CAND1: variants seen among roughly 807,000 people sequenced by gnomAD.
CAND1 encodes the protein cullin-associated NEDD8-dissociated protein 1.
Under a neutral mutation model 108.5 loss-of-function variants are expected in CAND1, and 7 were observed. The ratio of observed to expected loss-of-function variants is 0.06; its 90% confidence interval spans 0.04 to 0.12. CAND1 has a LOEUF of 0.12. Ranked by LOEUF, CAND1 falls within the 10% of genes least tolerant of loss-of-function variation. The pLI is 1.00. For synonymous variants in CAND1, 534 were observed against 512.0 expected, an observed-to-expected ratio of 1.04 and a Z score of -0.58; for missense variants, 941 against 1,448.7, an observed-to-expected ratio of 0.65 and a Z score of 5.69.
intron 11 of CAND1, among the ~76,000 whole-genome samples, chr12:67,308,331 G>T (rs1288291236): frequency 6.6e-6 from 1 of 152,054 alleles, no homozygotes; most frequent in Non-Finnish European, 1.5e-5. Flanking sequence ...GGCACAAATG[G>T]GTTCTATTGC....
intron 2 of CAND1, among the ~76,000 whole-genome samples, chr12:67,289,686 G>A (rs2044704863): frequency 1.3e-5 from 2 of 152,162 alleles, no homozygotes; most frequent in Admixed American, 1.3e-4. Flanking sequence ...CTGAAAGCTA[G>A]AACTCTTTAA....
intron 2 of CAND1, 48 bp from the exon 3 acceptor site, chr12:67,292,574 T>G: frequency 7.0e-7 from 1 of 1,437,836 alleles, no homozygotes; most frequent in South Asian, 1.3e-5. Context: ...TTTTCCTGTT[T>G]TTGTGCTTAT....
In CAND1 at chr12:67,299,052, T is replaced by C. The variant is rs937558251; in HGVS notation, c.957T>C (p.Asp319=). 6 of 1,504,978 alleles carry C rather than the reference T, an allele frequency of 4.0e-6. No homozygotes were observed. The highest frequency in any genetic ancestry group is 4.6e-6 in the Non-Finnish European group (5 of 1,086,312). 93.2% of individuals were successfully genotyped at this position (1,504,978 alleles called of 1,614,324 possible). The change falls in exon 7 of 15, where the codon GAT becomes GAC. Residue 319 remains aspartate (D), a synonymous_variant. Coordinates refer to ENST00000545606, the MANE Select transcript of CAND1 (RefSeq NM_018448.5). The stretch of plus-strand genomic sequence containing the variant: ...ATAATTACGATGATGAAGATGAAGA[T>C]GAAAATGCAATGGATGCTGATGGTG... ...PNYNYDDEDE[D]ENAMDADGGD...
intron 1 of CAND1, among the ~76,000 whole-genome samples, chr12:67,277,301 A>C (rs1208006842): frequency 6.6e-6 from 1 of 152,250 alleles, no homozygotes; most frequent in Non-Finnish European, 1.5e-5. Flanking sequence ...GTCCTGAGTC[A>C]CATTATTTTA....
At chr12:67,273,016 T>G (rs866089053) in intron 1 of CAND1, among the ~76,000 whole-genome samples, 16 of 152,092 alleles carry the variant, frequency 1.1e-4, no homozygotes, top group Admixed American at 3.9e-4. Flanking sequence ...GTTTGTTTGT[T>G]TTAAAAAAAG....
intron 4 of CAND1, 112 bp from the exon 5 acceptor site, chr12:67,297,295 A>G (rs773511417): frequency 2.5e-5 from 25 of 1,014,804 alleles, no homozygotes; most frequent in Middle Eastern, 4.1e-4. Context: ...ATTAGTCTCA[A>G]CTAAATTTGT....
chr12:67,276,402 G>A (rs888303327), intron 1 of CAND1, among the ~76,000 whole-genome samples: 2 of 152,084 alleles, frequency 1.3e-5, no homozygotes, highest in African/African-American at 2.4e-5. Context: ...GTTTTTGTCC[G>A]TAATAGTCAG....
chr12:67,280,785 T>C (rs1415086559), intron 1 of CAND1, among the ~76,000 whole-genome samples: 1 of 152,184 alleles, frequency 6.6e-6, no homozygotes, highest in Non-Finnish European at 1.5e-5. Context: ...CACCATTCAG[T>C]CCTTTTCATT....
chr12:67,271,274 A>G (rs2044518295), intron 1 of CAND1, among the ~76,000 whole-genome samples: 1 of 152,166 alleles, frequency 6.6e-6, no homozygotes, highest in Admixed American at 6.5e-5. Context: ...GTGTTGTTTT[A>G]CGGATTGGAA....
At chr12:67,285,435 G>A (rs1273535030) in intron 2 of CAND1, among the ~76,000 whole-genome samples, 1 of 152,056 alleles carries the variant, frequency 6.6e-6, no homozygotes, top group Non-Finnish European at 1.5e-5. Flanking sequence ...AGTATATTAG[G>A]GTTGAGAGTG....
intron 2 of CAND1, among the ~76,000 whole-genome samples, chr12:67,284,741 C>T (rs1215444433): frequency 4.6e-5 from 7 of 151,904 alleles, no homozygotes; most frequent in African/African-American, 1.7e-4. Flanking sequence ...TTCTTCAGCC[C>T]ATGCACACAT....
intron 10 of CAND1, among the ~76,000 whole-genome samples, chr12:67,306,859 G>C (rs550592771): frequency 1.6e-4 from 25 of 152,164 alleles, no homozygotes; most frequent in African/African-American, 5.5e-4. Context: ...ACTATATTGT[G>C]TTAAAATGTG....
intron 6 of CAND1, 60 bp from the exon 7 acceptor site, chr12:67,298,886 TGGCA>T (rs1193419474): frequency 1.1e-6 from 1 of 929,896 alleles, no homozygotes; most frequent in African/African-American, 1.7e-5. Context: ...AAGCAAAATG[TGGCA>T]GGTAATGAAT....
intron 2 of CAND1, among the ~76,000 whole-genome samples, chr12:67,284,851 T>A (rs1403590378): frequency 1.3e-5 from 1 of 79,954 alleles, no homozygotes; most frequent in Non-Finnish European, 3.2e-5. Context: ...CACCCTAAAG[T>A]CAGGGACAAG....
At chr12:67,271,993 T>C (rs531454302) in intron 1 of CAND1, among the ~76,000 whole-genome samples, 1 of 152,254 alleles carries the variant, frequency 6.6e-6, no homozygotes, top group East Asian at 1.9e-4. Context: ...ATTTTTAGTA[T>C]AGGCATTTAT....
intron 11 of CAND1, among the ~76,000 whole-genome samples, chr12:67,307,798 T>C (rs1279156577): frequency 6.6e-6 from 1 of 152,018 alleles, no homozygotes; most frequent in Non-Finnish European, 1.5e-5. Context: ...AGCAAAAAGA[T>C]ACTAGATTTA....
intron 13 of CAND1, 67 bp downstream of exon 13, chr12:67,310,383 T>C: frequency 1.8e-6 from 2 of 1,134,060 alleles, no homozygotes; most frequent in Non-Finnish European, 2.5e-6. Context: ...CTTTCACCCT[T>C]GTAATTTACT....
intron 14 of CAND1, 37 bp downstream of exon 14, chr12:67,311,837 G>C: frequency 8.6e-7 from 1 of 1,165,664 alleles, no homozygotes; most frequent in Non-Finnish European, 1.3e-6. Context: ...GTCAGACTTG[G>C]TGTATTGGGG....
chr12:67,281,367 C>G (rs1458638270), intron 1 of CAND1, among the ~76,000 whole-genome samples: 1 of 151,916 alleles, frequency 6.6e-6, no homozygotes, highest in East Asian at 1.9e-4. Flanking sequence ...AGGCCTGATA[C>G]CTAGTGATGG....
Sources: gnomAD v4.1 joint callset for allele counts (sites outside exome capture counted in the v4.1 genomes callset) on GRCh38, gnomAD v4.1.1 for gene constraint, MANE v1.5 for transcripts, NCBI Gene and HGNC (gene_info 2026-07-23, HGNC 2026-07-21) for gene names.